FN1: variants seen among roughly 807,000 people sequenced by gnomAD.
The protein encoded by FN1 is fibronectin.
In FN1, 106 loss-of-function variants were observed where a neutral mutation model predicts 297.3. The observed-to-expected ratio is 0.36, with a 90% CI of 0.30 to 0.42. FN1 has a LOEUF of 0.42. Among genes scored for constraint, FN1 ranks in the 10% least tolerant of loss-of-function variants. FN1 has a pLI of 1.00. For synonymous variants in FN1, 1,149 were observed against 1,152.6 expected, an observed-to-expected ratio of 1.00 and a Z score of 0.06; for missense variants, 2,690 against 3,124.9, an observed-to-expected ratio of 0.86 and a Z score of 3.32.
intron 22 of FN1, 59 bp downstream of exon 22, chr2:215,397,621 T>G: frequency 6.7e-7 from 1 of 1,489,218 alleles, no homozygotes; most frequent in South Asian, 1.1e-5. Context: ...GACACTAGCT[T>G]TTTTCGAAAA....
rs145436721 is a variant in FN1, at chr2:215,372,116, C to G, written c.6507G>C (p.Pro2169=). ...PIRHRPRPYP[P]NVGEEIQIGH... ...CAATTTGGATTTCCTCACCTACATT[C>G]GGCGGGTATGGTCTTGGCCTATGCC... Residue 2169 remains proline, a synonymous_variant, in exon 40 of 46, where the codon CCG becomes CCC. Coordinates refer to ENST00000354785, the MANE Select transcript of FN1 (RefSeq NM_212482.4). The G allele has an allele frequency of 1.8e-5, 29 of 1,614,082 alleles. No homozygotes were observed. Among genetic ancestry groups the G allele is most frequent in the Non-Finnish European group, 2.5e-5 (29 of 1,180,030 alleles).
At chr2:215,382,071 G>A (rs534317315) in intron 32 of FN1, 141 bp downstream of exon 32, 9 of 672,648 alleles carry the variant, frequency 1.3e-5, no homozygotes, top group South Asian at 3.1e-5. Flanking sequence ...AAAGATGTTC[G>A]TAAAGGGCTC....
At chr2:215,407,959 C>A in intron 17 of FN1, 149 bp downstream of exon 17, 1 of 303,064 alleles carries the variant, frequency 3.3e-6, no homozygotes, top group South Asian at 4.7e-5. Flanking sequence ...CCCCGCCACA[C>A]ACACACACAC....
intron 13 of FN1, among the ~76,000 whole-genome samples, chr2:215,412,760 C>CTTTTTTTTTTTTTTTT (rs10524797): frequency 2.7e-4 from 26 of 97,562 alleles, no homozygotes; most frequent in African/African-American, 7.3e-4. Context: ...TATTAAGTAT[C>CTTTTTTTTTTTTTTTT]TTTTTTTTTT....
Position 215,407,131 on chromosome 2 carries a change from G to A in FN1, c.2709C>T (p.Arg903=). ...GTGTCTTCTTAAAAAAGTTACCTGA[G>A]CGTGGGGTGCCAGTGGTTTCTTGTT... is the stretch of plus-strand genomic sequence containing the variant. ...VIQQETTGTP[R]SDTVPSPRDL... Residue 903 remains arginine (R), a synonymous_variant, in exon 18 of 46, where the codon CGC becomes CGT. Transcript: ENST00000354785. The A allele has an allele frequency of 1.2e-6, 2 of 1,613,234 alleles. No homozygotes were observed. Among genetic ancestry groups the A allele is most frequent in the Non-Finnish European group, 1.7e-6 (2 of 1,179,290 alleles).
chr2:215,380,144 T>C (rs2058003534), intron 33 of FN1: 1 of 152,764 alleles, frequency 6.5e-6, no homozygotes, highest in South Asian at 2.1e-4. Flanking sequence ...CTCTCTGTAA[T>C]GCGGCGTAAG....
Position 215,423,512 on chromosome 2 carries a change from G to A in FN1, c.1231C>T (p.Arg411Ter). The A allele has an allele frequency of 1.9e-6, 3 of 1,614,114 alleles. No homozygotes were observed. The highest frequency in any genetic ancestry group is 2.5e-6 in the Non-Finnish European group (3 of 1,180,004). The change falls in exon 9 of 46, where the codon CGA (arginine) becomes TGA (stop). Residue 411 changes from arginine to a stop codon, truncating the protein, a stop_gained. Transcript: ENST00000354785. LOFTEE classifies it high-confidence loss of function. Reference sequence around the variant, plus strand: ...AAGGCACCATTGGAATTTCCTCCTCGAGTCTGAACCAAAACTGCCAGGAAC... The same window carrying A: ...AAGGCACCATTGGAATTTCCTCCTCAAGTCTGAACCAAAACTGCCAGGAAC... ...CTDHTVLVQTRGGNSNGALCH... is the reference protein window; with the variant it reads ...CTDHTVLVQT
chr2:215,366,411 C>T (rs899444673), intron 42 of FN1, among the ~76,000 whole-genome samples: 44 of 152,264 alleles, frequency 2.9e-4, no homozygotes, highest in South Asian at 6.2e-4. Flanking sequence ...GATCTCTACA[C>T]GCCACCACCT....
chr2:215,410,624 C>A (rs2062485326), intron 13 of FN1, among the ~76,000 whole-genome samples: 1 of 152,006 alleles, frequency 6.6e-6, no homozygotes, highest in Admixed American at 6.6e-5. Flanking sequence ...TCTCCTGCCT[C>A]AGCCTCCCGA....
At chr2:215,393,426 G>A (rs1036408840) in intron 24 of FN1, 3 of 167,964 alleles carry the variant, frequency 1.8e-5, no homozygotes, top group Non-Finnish European at 3.0e-5. Flanking sequence ...TTCTTTTAGG[G>A]AATATATATA....
intron 32 of FN1, chr2:215,381,340 T>C (rs1388782958): frequency 5.8e-6 from 3 of 518,842 alleles, no homozygotes; most frequent in Admixed American, 6.5e-5. Flanking sequence ...TGGGGATGTA[T>C]TTATATTAAT....
rs1407851565 is a variant in FN1, at chr2:215,376,634, A to C, written c.5751T>G (p.Thr1917=). The C allele has an allele frequency of 1.2e-6, 2 of 1,613,796 alleles. No individual in the cohort carries two copies. The highest frequency in any genetic ancestry group is 2.7e-5 in the African/African-American group (2 of 74,832). ...TCCAGCTAATGGTGATGGTGGTCTC[A>C]GTAGCATCTGTCACACGAGCCCTTC... The part of the protein sequence containing the change: ...PPRRARVTDA[T]ETTITISWRT... Residue 1917 remains threonine (T), a synonymous_variant, in exon 36 of 46, where the codon ACT becomes ACG. Transcript: ENST00000354785.
chr2:215,413,700 C>T (rs2063024499), intron 13 of FN1, among the ~76,000 whole-genome samples: 2 of 152,312 alleles, frequency 1.3e-5, no homozygotes, highest in Admixed American at 1.3e-4. Context: ...CCACAACTTC[C>T]TTCATATTTC....
In FN1 at chr2:215,406,395, G is replaced by A. The variant is rs112901124; in HGVS notation, c.2829C>T (p.Pro943=). Reference sequence around the variant, plus strand: ...GCCCGTGCTCGCCAGGCAGGTTGACGGGGATCACATCCACACGGTAGCCGG... The same window carrying A: ...GCCCGTGCTCGCCAGGCAGGTTGACAGGGATCACATCCACACGGTAGCCGG... ...AVTGYRVDVI[P]VNLPGEHGQR... The change falls in exon 19 of 46, where the codon CCC becomes CCT. Residue 943 remains proline (P), a synonymous_variant. Coordinates refer to ENST00000354785, the MANE Select transcript of FN1 (RefSeq NM_212482.4). 206 of 1,614,154 alleles carry A rather than the reference G, an allele frequency of 1.3e-4. No homozygotes were observed. The African/African-American group carries it at 1.7e-3, about 13-fold the overall frequency.
At chr2:215,362,287 C>G (rs2053620702) in intron 44 of FN1, 2 of 576,634 alleles carry the variant, frequency 3.5e-6, no homozygotes, top group East Asian at 3.1e-5. Flanking sequence ...CTACATCTGT[C>G]TCTCTATGTT....
chr2:215,435,680 G>A lies in FN1; in HGVS notation c.123C>T (p.Ser41=). 4 of 1,613,500 alleles carry A rather than the reference G, an allele frequency of 2.5e-6. No individual in the cohort carries two copies. Among genetic ancestry groups the A allele is most frequent in the Non-Finnish European group, 3.4e-6 (4 of 1,179,956 alleles). Residue 41 remains serine, a synonymous_variant, in exon 1 of 46, where the codon TCC becomes TCT. Transcript: ENST00000354785. ...RQAQQMVQPQ[S]PVAVSQSKPG... is the part of the protein sequence containing the mutation. ...GCTTGCTTTGACTGACAGCCACCGG[G>A]GACTGGGGCTGAACCATTTGCTGAG...
At chr2:215,401,255 A>AAGGAAGG (rs1559476059) in intron 20 of FN1, among the ~76,000 whole-genome samples, 1 of 58,298 alleles carries the variant, frequency 1.7e-5, no homozygotes, top group African/African-American at 6.4e-5. Context: ...AGAAAGGAAG[A>AAGGAAGG]AAGAAAGGAA....
chr2:215,394,498 T>A, intron 24 of FN1, 30 bp downstream of exon 24: 1 of 1,560,236 alleles, frequency 6.4e-7, no homozygotes, highest in African/African-American at 1.4e-5. Flanking sequence ...GAAGTGTCAC[T>A]CTCAGGATAG....
intron 24 of FN1, among the ~76,000 whole-genome samples, chr2:215,394,186 A>G (rs1024250268): frequency 2.0e-5 from 3 of 152,196 alleles, no homozygotes; most frequent in African/African-American, 2.4e-5. Flanking sequence ...TGCATTTACC[A>G]TATTACTTTG....
Sources: gnomAD v4.1 joint callset for allele counts (sites outside exome capture counted in the v4.1 genomes callset) on GRCh38, gnomAD v4.1.1 for gene constraint, MANE v1.5 for transcripts, NCBI Gene and HGNC (gene_info 2026-07-23, HGNC 2026-07-21) for gene names.